The following NUTM2F variants were observed in gnomAD, a reference collection of about 807,000 sequenced individuals.
NUTM2F encodes family with sequence similarity 22, member F.
Under a neutral mutation model 43.3 loss-of-function variants are expected in NUTM2F, and 22 were observed. The observed-to-expected ratio is 0.51, with a 90% CI of 0.36 to 0.73. The LOEUF (loss-of-function observed/expected upper bound fraction) is 0.73. Among genes scored for constraint, NUTM2F ranks in the 30% least tolerant of loss-of-function variants. The probability of loss-of-function intolerance (pLI) is 0.00; values close to 1 mark genes in which losing one functional copy is unlikely to be tolerated. For synonymous variants in NUTM2F, 202 were observed against 389.0 expected, an observed-to-expected ratio of 0.52 and a Z score of 5.66; for missense variants, 488 against 927.4, an observed-to-expected ratio of 0.53 and a Z score of 6.15.
rs1831351721 is a variant in NUTM2F at position 94,320,723 on chromosome 9, C to T, written c.983-130G>A. ...GTCAGGACCACCTGAACCACAGCGC[C>T]CCGGAGGAGACGCCACAGGAGGGGC... On this transcript the variant is annotated intron_variant, in intron 4 of 6. Coordinates refer to ENST00000253262, the MANE Select transcript of NUTM2F (RefSeq NM_017561.2). The surrounding 1 kb of genome is among the most constrained non-coding windows in gnomAD (Gnocchi z 4.5). 7.3e-7 allele frequency: 1 copy of T among 1,363,752 alleles called. No homozygotes were observed. The highest frequency in any genetic ancestry group is 1.5e-5 in the South Asian group (1 of 68,684). 84.5% of individuals were successfully genotyped at this position (1,363,752 alleles called of 1,614,324 possible). A position where few individuals can be genotyped will look rare whatever the true frequency, so the allele number is the denominator to read the frequency against.
At chr9:94,324,991 A>T (rs563177501) in intron 2 of NUTM2F, among the ~76,000 whole-genome samples, 1 of 145,518 alleles carries the variant, frequency 6.9e-6, no homozygotes, top group Admixed American at 6.8e-5. Flanking sequence ...CCATCTCAAA[A>T]AAAAAAAAAA....
chr9:94,323,626 T>C (rs1456712459), intron 2 of NUTM2F, among the ~76,000 whole-genome samples: 1 of 152,180 alleles, frequency 6.6e-6, no homozygotes, highest in Non-Finnish European at 1.5e-5. Context: ...TAATCATAAC[T>C]GCTGTCATGT....
rs772045470 is a variant in NUTM2F, at chr9:94,318,941, G to T, written c.1795C>A (p.His599Asn). 13 of 1,611,568 alleles carry T rather than the reference G, an allele frequency of 8.1e-6. No homozygotes were observed. The highest frequency in any genetic ancestry group is 1.0e-5 in the Non-Finnish European group (12 of 1,179,168). Residue 599 changes from histidine (H) to asparagine (N), a missense_variant, in exon 7 of 7, where the codon CAC becomes AAC. Transcript: ENST00000253262. ...CCCAGGCCGGGGCAGGTGGGTCTGT[G>T]GTCCTGGGGAGGAGAGGTTGGCCGG... ...AVRPTSPPQD[H>N]RPTCPGLGTK...
chr9:94,323,392 G>A (rs532461529), intron 2 of NUTM2F, among the ~76,000 whole-genome samples: 10 of 152,352 alleles, frequency 6.6e-5, no homozygotes, highest in South Asian at 6.2e-4. Flanking sequence ...GCTCATCAGC[G>A]GGAAACACAG....
At position 94,327,127 on chromosome 9, in the gene NUTM2F, G is replaced by A. The variant is rs1465042263; in HGVS notation, c.17-1193C>T. Among the ~76,000 whole-genome samples, 303 of 139,022 alleles carry A rather than the reference G, an allele frequency of 2.2e-3. 2 individuals are homozygous for A. Among genetic ancestry groups the A allele is most frequent in the Middle Eastern group, 7.2e-3 (2 of 276 alleles). The allele number at this position is 139,022 out of a possible 152,430, so 91.2% of individuals were successfully genotyped here. On this transcript the variant is annotated intron_variant, in intron 1 of 6. Transcript: ENST00000253262. ...TTTTCTTTTTTTTTTTTTTTGAGAC[G>A]GAGTCTCGCTCTGTCACCCAGGCTG...
At chr9:94,326,324 C>A (rs538618476) in intron 1 of NUTM2F, among the ~76,000 whole-genome samples, 2 of 151,920 alleles carry the variant, frequency 1.3e-5, no homozygotes, top group South Asian at 4.2e-4. Flanking sequence ...TACCCCAGGG[C>A]AGTGCTCGGC....
At chr9:94,327,089 G>C (rs1353701118) in intron 1 of NUTM2F, among the ~76,000 whole-genome samples, 1 of 143,598 alleles carries the variant, frequency 7.0e-6, no homozygotes, top group African/African-American at 2.5e-5. Context: ...GAGGTGTCTA[G>C]GGATTTTCTT....
chr9:94,327,433 C>T (rs1831464562), intron 1 of NUTM2F, among the ~76,000 whole-genome samples: 1 of 142,758 alleles, frequency 7.0e-6, no homozygotes, highest in South Asian at 2.4e-4. Context: ...TCATGTTACA[C>T]TAAATAGTGG....
Position 94,320,411 on chromosome 9 carries a change from C to T in NUTM2F, c.1165G>A (p.Glu389Lys). ...QRPAETKVPE[E>K]IPPEVVQEYV... ...TCCTGCACCACTTCAGGGGGGATCTCCTCAGGGACCTTGGTCTCCGCTGGC... is the reference window on the plus strand; with the variant it reads ...TCCTGCACCACTTCAGGGGGGATCTTCTCAGGGACCTTGGTCTCCGCTGGC... Residue 389 changes from glutamate to lysine, a missense_variant, in exon 5 of 7, where the codon GAG becomes AAG. Coordinates refer to ENST00000253262, the MANE Select transcript of NUTM2F (RefSeq NM_017561.2). The surrounding 1 kb of genome is among the most constrained non-coding windows in gnomAD (Gnocchi z 4.5). 6.2e-7 allele frequency: 1 copy of T among 1,612,828 alleles called. No individual in the cohort carries two copies.
chr9:94,318,795 G>T lies in NUTM2F; in HGVS notation c.1941C>A (p.His647Gln). The stretch of plus-strand genomic sequence containing the variant: ...GGGACAGCCTCCAGGGCCTCAGCCT[G>T]TGGTGGGAACCCACGACATAGACCA... ...PGMVYVVGSH[H>Q]RLRPWRLSQS... The change falls in exon 7 of 7, where the codon CAC becomes CAA. Residue 647 changes from histidine to glutamine, a missense_variant. Physicochemically the swap from His to Gln is conservative, Grantham distance 24. Transcript: ENST00000253262. The T allele has an allele frequency of 6.4e-7, 1 of 1,550,868 alleles. No individual in the cohort carries two copies. The highest frequency in any genetic ancestry group is 8.7e-7 in the Non-Finnish European group (1 of 1,145,026).
At position 94,320,615 on chromosome 9, in the gene NUTM2F, A is replaced by G. The variant is rs1157557712; in HGVS notation, c.983-22T>C. ...TACACTGAGGCAGAGAGGGAGGAGG[A>G]TGGGTGTGGTGAGGGCCGCTCCTCC... On this transcript the variant is annotated intron_variant, in intron 4 of 6. Transcript: ENST00000253262. The surrounding 1 kb of genome is among the most constrained non-coding windows in gnomAD (Gnocchi z 4.5). 1.3e-6 allele frequency: 2 copies of G among 1,587,112 alleles called. No individual in the cohort carries two copies. Among genetic ancestry groups the G allele is most frequent in the Admixed American group, 1.7e-5 (1 of 57,212 alleles).
chr9:94,321,353 C>A, intron 3 of NUTM2F, 121 bp from the exon 4 acceptor site: 3 of 1,482,694 alleles, frequency 2.0e-6, no homozygotes, highest in Non-Finnish European at 2.7e-6. Flanking sequence ...CAGGCCCTCA[C>A]TGGGACCCAT....
rs117626078 is a variant in NUTM2F at position 94,326,615 on chromosome 9, G to A, written c.17-681C>T. 8.2e-3 allele frequency among the ~76,000 whole-genome samples: 1,251 copies of A among 151,990 alleles called. 9 individuals carry two copies. The highest frequency in any genetic ancestry group is 0.013 in the Non-Finnish European group (858 of 67,972). On this transcript the variant is annotated intron_variant, in intron 1 of 6. Transcript: ENST00000253262. ...AAATACAAAAATTAGCTGATGGTGC[G>A]TGCCTGTAATCCCAGCTACTCAGGA...
chr9:94,322,882 C>T (rs1262742233), intron 2 of NUTM2F, among the ~76,000 whole-genome samples: 1 of 152,170 alleles, frequency 6.6e-6, no homozygotes, highest in African/African-American at 2.4e-5. Flanking sequence ...CTTGATAAAG[C>T]ACCCAGTCTA....
Position 94,320,487 on chromosome 9 carries a change from G to A in NUTM2F, c.1089C>T (p.Pro363=). 1 of 1,611,426 alleles carries A rather than the reference G, an allele frequency of 6.2e-7. No homozygotes were observed. The highest frequency in any genetic ancestry group is 8.5e-7 in the Non-Finnish European group (1 of 1,179,500). ...ETKAHLPPPR[P]QRPAETNAHL... ...GGGCGTTGGTCTCCGCTGGCCTCTGGGGCCTGGGTGGTGGCAGGTGGGCCT... is the reference window on the plus strand; with the variant it reads ...GGGCGTTGGTCTCCGCTGGCCTCTGAGGCCTGGGTGGTGGCAGGTGGGCCT... The change falls in exon 5 of 7, where the codon CCC becomes CCT. Residue 363 remains proline, a synonymous_variant. Coordinates refer to ENST00000253262, the MANE Select transcript of NUTM2F (RefSeq NM_017561.2). The surrounding 1 kb of genome is among the most constrained non-coding windows in gnomAD (Gnocchi z 4.5).
chr9:94,321,107 A>G lies in NUTM2F; in HGVS notation c.968T>C (p.Val323Ala), dbSNP rs1393582121. 1.3e-6 allele frequency: 2 copies of G among 1,549,772 alleles called. No homozygotes were observed. The highest frequency in any genetic ancestry group is 1.4e-5 in the African/African-American group (1 of 73,598). The change falls in exon 4 of 7, where the codon GTG (valine) becomes GCG (alanine). Residue 323 changes from valine (V) to alanine (A), a missense_variant. Coordinates refer to ENST00000253262, the MANE Select transcript of NUTM2F (RefSeq NM_017561.2). ...LEPRGPPAPEVVKQPVYLPSK... is the reference protein window; with the variant it reads ...LEPRGPPAPEAVKQPVYLPSK... ...GGAAGCTGTACCTGGCTGCTTGACC[A>G]CCTCAGGGGCAGGGGGTCCTCGAGG...
chr9:94,321,282 C>G (rs1231105178), intron 3 of NUTM2F, 50 bp from the exon 4 acceptor site: 1 of 1,549,302 alleles, frequency 6.5e-7, no homozygotes, highest in South Asian at 1.2e-5. Context: ...AGGCCCCCTC[C>G]CCCCAGGACC....
chr9:94,322,456 CA>C, intron 2 of NUTM2F, 127 bp from the exon 3 acceptor site: 2 of 1,439,658 alleles, frequency 1.4e-6, no homozygotes, highest in Admixed American at 4.0e-5. Flanking sequence ...TGTTCTCCCC[CA>C]TGTGGGCTCC....
chr9:94,324,356 T>G lies in NUTM2F; in HGVS notation c.713+882A>C, dbSNP rs57857599. ...TCTGACCTGGGTCTTCTGTAAACATTGTTGTGAAAATTATTGAAAGTGAAA... is the reference window on the plus strand; with the variant it reads ...TCTGACCTGGGTCTTCTGTAAACATGGTTGTGAAAATTATTGAAAGTGAAA... On this transcript the variant is annotated intron_variant, in intron 2 of 6. Coordinates refer to ENST00000253262, the MANE Select transcript of NUTM2F (RefSeq NM_017561.2). Among the ~76,000 whole-genome samples, 774 of 150,430 alleles carry G rather than the reference T, an allele frequency of 5.1e-3. 8 individuals are homozygous for G. Among genetic ancestry groups the G allele is most frequent in the African/African-American group, 0.017 (706 of 40,948 alleles).
Sources: allele counts gnomAD v4.1 joint callset (sites outside exome capture counted in the v4.1 genomes callset), GRCh38; gene constraint gnomAD v4.1.1; non-coding constraint Gnocchi (gnomAD v3.1); transcripts MANE v1.5; gene names NCBI Gene and HGNC (gene_info 2026-07-23, HGNC 2026-07-21).